The following ANKRD26 variants were observed in gnomAD, a reference collection of about 807,000 sequenced individuals.
The protein encoded by ANKRD26 is ankyrin repeat domain 26.
In ANKRD26, 141 loss-of-function variants were observed where a neutral mutation model predicts 208.7. That is an observed-to-expected ratio of 0.68 (90% CI 0.59 to 0.78). The LOEUF is 0.78. Among genes scored for constraint, ANKRD26 ranks in the 30% least tolerant of loss-of-function variants. The pLI is 0.00. For missense variants in ANKRD26, 1,889 were observed against 1,938.7 expected, an observed-to-expected ratio of 0.97 and a Z score of 0.48; for synonymous variants, 636 against 660.4, an observed-to-expected ratio of 0.96 and a Z score of 0.57.
At chr10:26,969,144 T>C (rs2052108930), downstream of ANKRD26, among the ~76,000 whole-genome samples, 1 of 152,190 alleles carries the variant, frequency 6.6e-6, no homozygotes, top group Non-Finnish European at 1.5e-5. Flanking sequence ...CGGTCTACAC[T>C]GATCCACTAG....
chr10:27,028,312 A>G (rs2053738029), intron 27 of ANKRD26, among the ~76,000 whole-genome samples: 1 of 152,056 alleles, frequency 6.6e-6, no homozygotes, highest in African/African-American at 2.4e-5. Context: ...TATTCATAAA[A>G]GTGGCCGGGC....
chr10:27,013,541 T>C (rs1381656273), intron 31 of ANKRD26, among the ~76,000 whole-genome samples: 1 of 152,222 alleles, frequency 6.6e-6, no homozygotes, highest in Non-Finnish European at 1.5e-5. Context: ...TGTACAAATA[T>C]ATCAAAAACA....
chr10:26,964,523 A>C, the ANKRD26 span, among the ~76,000 whole-genome samples: 2 of 152,214 alleles, frequency 1.3e-5, no homozygotes, highest in Non-Finnish European at 2.9e-5. Flanking sequence ...AGTCTCCTGC[A>C]ACCAAGCAAC....
At chr10:27,084,720 T>C (rs370814471) in intron 5 of ANKRD26, among the ~76,000 whole-genome samples, 5 of 151,914 alleles carry the variant, frequency 3.3e-5, no homozygotes, top group Admixed American at 6.6e-5. Context: ...AATATAAAAA[T>C]TGGCTGGGCA....
chr10:27,060,691 A>G lies in ANKRD26; in HGVS notation c.1463-151T>C, dbSNP rs2055023922. 4.4e-6 allele frequency: 3 copies of G among 676,444 alleles called. No individual in the cohort carries two copies. The East Asian group carries it at 8.2e-5, about 19-fold the overall frequency. 41.9% of individuals were successfully genotyped at this position (676,444 alleles called of 1,614,324 possible). On this transcript the variant is annotated intron_variant, in intron 13 of 33. Transcript: ENST00000376087. Reference sequence around the variant, plus strand: ...GGATGTTTTTTATTTTGGTTAGGACAGCAACATGACAGAAGTATACTGGAG... The same window carrying G: ...GGATGTTTTTTATTTTGGTTAGGACGGCAACATGACAGAAGTATACTGGAG...
intron 23 of ANKRD26, among the ~76,000 whole-genome samples, chr10:27,036,960 G>A (rs1277925051): frequency 6.6e-6 from 1 of 152,038 alleles, no homozygotes; most frequent in Non-Finnish European, 1.5e-5. Flanking sequence ...TTTGGATGAG[G>A]CCATTCTGAA....
intron 6 of ANKRD26, among the ~76,000 whole-genome samples, chr10:27,079,485 G>A (rs1345617111): frequency 3.9e-5 from 6 of 152,146 alleles, no homozygotes; most frequent in Non-Finnish European, 5.9e-5. Context: ...AAATTGTCCC[G>A]AAGGCTGAAC....
chr10:26,994,910 T>C (rs1232786993), intron 5 of ANKRD26: 2 of 363,342 alleles, frequency 5.5e-6, no homozygotes, highest in South Asian at 4.2e-5. Flanking sequence ...GTCAGGGAAA[T>C]CAACTTGGCT....
In ANKRD26 at chr10:27,046,232, C is replaced by A. The variant is rs1003507830; in HGVS notation, c.1985+121G>T. ...CAAAGTCACTTGTCCTCATCTTAATCTTTCAGCAGCATGGAAACAGTCGAT... is the reference window on the plus strand; with the variant it reads ...CAAAGTCACTTGTCCTCATCTTAATATTTCAGCAGCATGGAAACAGTCGAT... On this transcript the variant is annotated intron_variant, in intron 18 of 33. Coordinates refer to ENST00000376087, the MANE Select transcript of ANKRD26 (RefSeq NM_014915.3). 8 of 1,049,758 alleles carry A rather than the reference C, an allele frequency of 7.6e-6. No homozygotes were observed. In the Admixed American group the frequency reaches 1.7e-4, roughly 22 times the overall value. 65.0% of individuals were successfully genotyped at this position (1,049,758 alleles called of 1,614,324 possible).
At chr10:26,960,806 T>C in the ANKRD26 span, among the ~76,000 whole-genome samples, 1 of 152,212 alleles carries the variant, frequency 6.6e-6, no homozygotes. Context: ...ACAAGGCTTG[T>C]GGGATTGATT....
At chr10:27,038,222 C>T (rs2054107258) in intron 21 of ANKRD26, among the ~76,000 whole-genome samples, 168 bp from the exon 22 acceptor site, 1 of 152,034 alleles carries the variant, frequency 6.6e-6, no homozygotes, top group South Asian at 2.1e-4. Flanking sequence ...TCAGTCTTTT[C>T]CAAAGGACAT....
chr10:27,008,060 T>C, intron 32 of ANKRD26, among the ~76,000 whole-genome samples: 1 of 151,974 alleles, frequency 6.6e-6, no homozygotes, highest in East Asian at 1.9e-4. Context: ...ATGAAATGTG[T>C]GGGAATATTT....
intron 9 of ANKRD26, among the ~76,000 whole-genome samples, chr10:27,072,605 C>T (rs1376888619): frequency 1.3e-5 from 2 of 152,158 alleles, no homozygotes; most frequent in African/African-American, 4.8e-5. Flanking sequence ...CAATCAAATC[C>T]CACCACTACC....
intron 25 of ANKRD26, among the ~76,000 whole-genome samples, chr10:27,029,650 T>C (rs768344530): frequency 6.6e-6 from 1 of 152,186 alleles, no homozygotes; most frequent in Non-Finnish European, 1.5e-5. Context: ...ATCAGATAAA[T>C]ACTCAAATTT....
chr10:26,994,767 G>T (rs1190629793), intron 5 of ANKRD26, among the ~76,000 whole-genome samples: 1 of 152,120 alleles, frequency 6.6e-6, no homozygotes, highest in East Asian at 1.9e-4. Flanking sequence ...TTTATGGGTT[G>T]CCCCGAGAAG....
intron 6 of ANKRD26, among the ~76,000 whole-genome samples, chr10:27,081,739 C>G (rs923192937): frequency 2.0e-5 from 3 of 151,686 alleles, no homozygotes; most frequent in African/African-American, 4.8e-5. Flanking sequence ...CCATGGAATA[C>G]TATGCTTTTT....
intron 31 of ANKRD26, among the ~76,000 whole-genome samples, chr10:27,013,949 G>A (rs556887818): frequency 1.4e-4 from 21 of 152,158 alleles, no homozygotes; most frequent in Admixed American, 7.9e-4. Context: ...TCATCCCTAC[G>A]TTAATCATTC....
intron 9 of ANKRD26, among the ~76,000 whole-genome samples, chr10:27,074,732 A>G (rs1473066402): frequency 1.3e-5 from 2 of 152,158 alleles, no homozygotes; most frequent in African/African-American, 4.8e-5. Context: ...GCCAAATAGA[A>G]GTAAGAACTT....
chr10:27,097,525 T>G (rs191515545), intron 1 of ANKRD26, among the ~76,000 whole-genome samples: 1 of 152,334 alleles, frequency 6.6e-6, no homozygotes, highest in African/African-American at 2.4e-5. Flanking sequence ...AGGTTATGAT[T>G]GATGAATAAA....
Sources: allele counts gnomAD v4.1 joint callset (sites outside exome capture counted in the v4.1 genomes callset), GRCh38; gene constraint gnomAD v4.1.1; transcripts MANE v1.5; gene names NCBI Gene and HGNC (gene_info 2026-07-23, HGNC 2026-07-21).